The following MACROD2 variants were observed in gnomAD, a reference collection of about 807,000 sequenced individuals.
MACROD2 encodes the protein mono-ADP ribosylhydrolase 2.
A neutral mutation model predicts 70.4 loss-of-function variants in MACROD2; 36 were observed. The ratio of observed to expected loss-of-function variants is 0.51; its 90% CI spans 0.39 to 0.68. The LOEUF (loss-of-function observed/expected upper bound fraction) is 0.68, where lower values mean the gene tolerates loss of function less well. MACROD2 is among the 30% of genes least tolerant of loss of function. The probability of loss-of-function intolerance (pLI) is 0.00; values close to 1 mark genes in which losing one functional copy is unlikely to be tolerated. For synonymous variants in MACROD2, 172 were observed against 178.8 expected, an observed-to-expected ratio of 0.96 and a Z score of 0.30; for missense variants, 496 against 538.4, an observed-to-expected ratio of 0.92 and a Z score of 0.78.
At chr20:15,569,612 G>A (rs982353437) in intron 8 of MACROD2, among the ~76,000 whole-genome samples, 8 of 152,046 alleles carry the variant, frequency 5.3e-5, no homozygotes, top group African/African-American at 1.4e-4. Flanking sequence ...AGATTTTTTG[G>A]ATCTGCATAT....
chr20:15,460,580 T>C (rs2046794116), intron 7 of MACROD2, among the ~76,000 whole-genome samples: 1 of 152,172 alleles, frequency 6.6e-6, no homozygotes, highest in South Asian at 2.1e-4. Flanking sequence ...TTCCCTTTGA[T>C]CCACCAGCCC....
chr20:15,412,523 G>A (rs1340376689), intron 6 of MACROD2, among the ~76,000 whole-genome samples: 1 of 152,142 alleles, frequency 6.6e-6, no homozygotes, highest in Non-Finnish European at 1.5e-5. Context: ...TTTCCATTTT[G>A]ATTAATTTAT....
At chr20:15,120,442 C>T (rs976467092) in intron 5 of MACROD2, among the ~76,000 whole-genome samples, 93 of 152,236 alleles carry the variant, frequency 6.1e-4, no homozygotes, top group African/African-American at 2.2e-3. Flanking sequence ...CTCTTCTCCC[C>T]TACTTTATGT....
chr20:15,869,238 T>TATATATATATAG, intron 9 of MACROD2, among the ~76,000 whole-genome samples: 28 of 28,294 alleles, frequency 9.9e-4, no homozygotes, highest in Non-Finnish European at 1.6e-3. Context: ...TATATATATA[T>TATATATATATAG]AGAGAGAGAG....
intron 6 of MACROD2, among the ~76,000 whole-genome samples, chr20:15,276,833 T>C (rs1270697828): frequency 6.6e-6 from 1 of 152,186 alleles, no homozygotes; most frequent in Non-Finnish European, 1.5e-5. Flanking sequence ...AACTTTAAAG[T>C]CTAATTTATA....
At chr20:14,669,140 G>T (rs1367810605) in intron 4 of MACROD2, among the ~76,000 whole-genome samples, 1 of 152,136 alleles carries the variant, frequency 6.6e-6, no homozygotes, top group Admixed American at 6.6e-5. Flanking sequence ...GAAAGTTGAT[G>T]TTTGGATTGG....
intron 3 of MACROD2, among the ~76,000 whole-genome samples, chr20:14,226,177 A>C (rs531925551): frequency 6.6e-6 from 1 of 152,186 alleles, no homozygotes; most frequent in Non-Finnish European, 1.5e-5. Flanking sequence ...CAATAGCAGG[A>C]ATGGTGCCCC....
intron 8 of MACROD2, among the ~76,000 whole-genome samples, chr20:15,560,199 A>G (rs1329031094): frequency 6.6e-6 from 1 of 152,146 alleles, no homozygotes; most frequent in African/African-American, 2.4e-5. Flanking sequence ...AAAGTAAGAG[A>G]CATTGTGTTG....
At chr20:14,525,281 A>G (rs1055115523) in intron 4 of MACROD2, among the ~76,000 whole-genome samples, 14 of 152,200 alleles carry the variant, frequency 9.2e-5, no homozygotes, top group Non-Finnish European at 2.1e-4. Context: ...TCTATTTATA[A>G]TTAGGTCTAT....
At chr20:14,171,382 G>T (rs547892387) in intron 3 of MACROD2, among the ~76,000 whole-genome samples, 15 of 151,870 alleles carry the variant, frequency 9.9e-5, no homozygotes, top group African/African-American at 3.6e-4. Context: ...TCTTCTTCTG[G>T]ATTTGGATTT....
chr20:15,015,932 G>C (rs1388690063), intron 5 of MACROD2, among the ~76,000 whole-genome samples: 1 of 152,186 alleles, frequency 6.6e-6, no homozygotes, highest in African/African-American at 2.4e-5. Flanking sequence ...GACATAAAGA[G>C]CTCTAAGCAT....
At chr20:14,121,334 A>G (rs1020335923) in intron 3 of MACROD2, among the ~76,000 whole-genome samples, 3 of 152,208 alleles carry the variant, frequency 2.0e-5, no homozygotes, top group Admixed American at 6.5e-5. Context: ...AAGGACGTGG[A>G]GGTCCTATGT....
At chr20:15,634,087 A>G (rs887798761) in intron 8 of MACROD2, among the ~76,000 whole-genome samples, 4 of 152,150 alleles carry the variant, frequency 2.6e-5, no homozygotes, top group Non-Finnish European at 5.9e-5. Flanking sequence ...ATTGTTTTTC[A>G]TGCTAATCAA....
chr20:15,333,102 A>G lies in MACROD2; in HGVS notation c.541-98303A>G, dbSNP rs113518158. The stretch of plus-strand genomic sequence containing the variant: ...TTCTTTCAAGTAGGAACACAAAGCT[A>G]TTTACCTAGAGCAATGGTTCCCAGA... On this transcript the variant is annotated intron_variant, in intron 6 of 17. Coordinates refer to ENST00000684519, the MANE Select transcript of MACROD2 (RefSeq NM_001351661.2). 1.5e-4 allele frequency among the ~76,000 whole-genome samples: 22 copies of G among 151,676 alleles called. 1 individual carries two copies. Among genetic ancestry groups the G allele is most frequent in the African/African-American group, 5.4e-4 (22 of 41,074 alleles).
intron 2 of MACROD2, among the ~76,000 whole-genome samples, chr20:14,021,350 G>A (rs147206237): frequency 6.6e-6 from 1 of 152,230 alleles, no homozygotes; most frequent in Non-Finnish European, 1.5e-5. Context: ...GCCTTACCTA[G>A]TCTTTTGTAT....
At chr20:14,863,763 A>G (rs1028358372) in intron 5 of MACROD2, among the ~76,000 whole-genome samples, 5 of 152,152 alleles carry the variant, frequency 3.3e-5, no homozygotes, top group African/African-American at 1.2e-4. Flanking sequence ...AACTATTATT[A>G]TCTTCATACG....
At chr20:15,195,267 C>A (rs948153331) in intron 5 of MACROD2, among the ~76,000 whole-genome samples, 3 of 152,032 alleles carry the variant, frequency 2.0e-5, no homozygotes, top group Non-Finnish European at 4.4e-5. Context: ...TTCTGCACAG[C>A]AAAAGAAACT....
chr20:14,656,075 T>A (rs62202938), intron 4 of MACROD2, among the ~76,000 whole-genome samples: 29,261 of 152,138 alleles, frequency 0.19, 3,321 homozygotes, highest in Non-Finnish European at 0.25. Context: ...GTTACTTACA[T>A]AGCTAAGTAA....
chr20:15,577,358 TC>T (rs1274186812), intron 8 of MACROD2, among the ~76,000 whole-genome samples: 5 of 151,926 alleles, frequency 3.3e-5, no homozygotes, highest in Non-Finnish European at 7.4e-5. Context: ...TTCAAACAAA[TC>T]CAAGACATCG....
Sources: allele counts gnomAD v4.1 joint callset (sites outside exome capture counted in the v4.1 genomes callset), GRCh38; gene constraint gnomAD v4.1.1; transcripts MANE v1.5; gene names NCBI Gene and HGNC (gene_info 2026-07-23, HGNC 2026-07-21).